KIT: variants seen among roughly 807,000 people sequenced by gnomAD.
KIT encodes the protein KIT proto-oncogene, receptor tyrosine kinase.
KIT carries 16 observed loss-of-function variants against 105.7 expected under a neutral mutation model. That is an observed-to-expected ratio of 0.15 (90% CI 0.10 to 0.23). The LOEUF is 0.23. KIT is among the 10% of genes least tolerant of loss of function. The pLI, the probability that KIT is intolerant of heterozygous loss-of-function variation, is 1.00. For missense variants in KIT, 858 were observed against 1,213.8 expected, an observed-to-expected ratio of 0.71 and a Z score of 4.36; for synonymous variants, 438 against 441.1, an observed-to-expected ratio of 0.99 and a Z score of 0.09.
intron 7 of KIT, among the ~76,000 whole-genome samples, chr4:54,719,331 A>G (rs753298998): frequency 2.0e-5 from 3 of 152,150 alleles, no homozygotes; most frequent in East Asian, 1.9e-4. Context: ...TATCTGTACT[A>G]TGTTCTTAAA....
At chr4:54,704,972 A>G (rs1720694110) in intron 5 of KIT, among the ~76,000 whole-genome samples, 1 of 152,224 alleles carries the variant, frequency 6.6e-6, no homozygotes, top group African/African-American at 2.4e-5. Flanking sequence ...CAGACTGAAC[A>G]TGGAAAAGAT....
chr4:54,711,818 G>T (rs1248936930), intron 7 of KIT, among the ~76,000 whole-genome samples: 1 of 151,756 alleles, frequency 6.6e-6, no homozygotes, highest in East Asian at 1.9e-4. Flanking sequence ...AGCTAGTTGG[G>T]AGGCTGAGGC....
intron 8 of KIT, among the ~76,000 whole-genome samples, chr4:54,724,018 A>G (rs1034897124): frequency 6.6e-6 from 1 of 152,216 alleles, no homozygotes; most frequent in Admixed American, 6.5e-5. Context: ...TATACACAGG[A>G]GGTAATGTGT....
intron 1 of KIT, among the ~76,000 whole-genome samples, chr4:54,670,636 C>T (rs567786255): frequency 3.9e-5 from 6 of 152,310 alleles, no homozygotes; most frequent in African/African-American, 1.4e-4. Flanking sequence ...GTTCCTGCTC[C>T]CTTTTCTCCC....
chr4:54,676,976 C>T (rs1483624642), intron 1 of KIT, among the ~76,000 whole-genome samples: 1 of 152,148 alleles, frequency 6.6e-6, no homozygotes, highest in Non-Finnish European at 1.5e-5. Context: ...CCTCATTGTA[C>T]AGCGTGCTTG....
chr4:54,665,375 G>A (rs994817613), intron 1 of KIT, among the ~76,000 whole-genome samples: 4 of 152,176 alleles, frequency 2.6e-5, no homozygotes, highest in Admixed American at 6.5e-5. Context: ...GACTATTTAG[G>A]AGGGTTAAAC....
rs1722618479 is a variant in KIT at position 54,731,874 on chromosome 4, C to T, written c.2237C>T (p.Ser746Leu). 2 of 1,613,344 alleles carry T rather than the reference C, an allele frequency of 1.2e-6. No individual in the cohort carries two copies. Among genetic ancestry groups the T allele is most frequent in the Non-Finnish European group, 1.7e-6 (2 of 1,179,502 alleles). The change falls in exon 16 of 21, where the codon TCA becomes TTA. Residue 746 changes from serine to leucine, a missense_variant. Around this residue, in one of 7 missense-constraint regions of KIT, gnomAD observed 158 missense variants for 218.7 expected, o/e 0.72. Transcript: ENST00000288135. Reference protein sequence around the residue: ...ADKRRSVRIGSYIERDVTPAI... With the variant: ...ADKRRSVRIGLYIERDVTPAI... ...AAAAATCCTCTCTTCCTCACAGGCT[C>T]ATACATAGAAAGAGATGTGACTCCC...
At chr4:54,729,861 C>T (rs1233407779) in intron 14 of KIT, among the ~76,000 whole-genome samples, 1 of 152,102 alleles carries the variant, frequency 6.6e-6, no homozygotes, top group African/African-American at 2.4e-5. Context: ...AATGCTAAAG[C>T]CTCTCAAGTT....
intron 1 of KIT, among the ~76,000 whole-genome samples, chr4:54,686,219 TAAAAAAAA>T (rs201077047): frequency 6.8e-6 from 1 of 147,488 alleles, no homozygotes; most frequent in African/African-American, 2.5e-5. Context: ...AGGAGCTACT[TAAAAAAAA>T]AAACTAAATA....
At chr4:54,730,242 T>C (rs1182565703) in intron 14 of KIT, among the ~76,000 whole-genome samples, 1 of 152,142 alleles carries the variant, frequency 6.6e-6, no homozygotes, top group Non-Finnish European at 1.5e-5. Flanking sequence ...GAAGTCATGG[T>C]TATTTTGCCC....
chr4:54,703,876 A>C lies in KIT; in HGVS notation c.909A>C (p.Thr303=), dbSNP rs531740394. ...NNTFGSANVT[T]TLEVVDKGFI... ...CTTTTGGATCAGCAAATGTCACAACAACCTTGGAAGTAGTAGGTAAATACC... is the reference window on the plus strand; with the variant it reads ...CTTTTGGATCAGCAAATGTCACAACCACCTTGGAAGTAGTAGGTAAATACC... The change falls in exon 5 of 21, where the codon ACA becomes ACC. Residue 303 remains threonine (T), a synonymous_variant. Coordinates refer to ENST00000288135, the MANE Select transcript of KIT (RefSeq NM_000222.3). The C allele has an allele frequency of 1.5e-5, 24 of 1,613,534 alleles. No individual in the cohort carries two copies. Among genetic ancestry groups the C allele is most frequent in the Non-Finnish European group, 1.9e-5 (22 of 1,179,542 alleles).
chr4:54,736,973 T>G (rs1722958002), intron 19 of KIT, among the ~76,000 whole-genome samples, 153 bp downstream of exon 19: 1 of 152,250 alleles, frequency 6.6e-6, no homozygotes, highest in African/African-American at 2.4e-5. Flanking sequence ...TTTCTGTAGT[T>G]TATTTTCATA....
intron 1 of KIT, among the ~76,000 whole-genome samples, chr4:54,666,807 C>T (rs753484543): frequency 3.1e-4 from 47 of 152,200 alleles, no homozygotes; most frequent in Non-Finnish European, 5.7e-4. Context: ...TTCCTCACTG[C>T]CTTGGCTGTG....
intron 1 of KIT, among the ~76,000 whole-genome samples, chr4:54,670,962 G>T (rs1718069546): frequency 6.6e-6 from 1 of 152,132 alleles, no homozygotes; most frequent in Non-Finnish European, 1.5e-5. Flanking sequence ...AAATATGACA[G>T]ACTTCAGTTT....
chr4:54,682,815 A>G (rs1423634153), intron 1 of KIT, among the ~76,000 whole-genome samples: 1 of 150,174 alleles, frequency 6.7e-6, no homozygotes, highest in Non-Finnish European at 1.5e-5. Flanking sequence ...GCAGTGACGC[A>G]ATCTCGGCTC....
chr4:54,684,284 C>T (rs1222550355), intron 1 of KIT, among the ~76,000 whole-genome samples: 1 of 152,116 alleles, frequency 6.6e-6, no homozygotes, highest in Non-Finnish European at 1.5e-5. Context: ...CTGGGAAACA[C>T]TTCGTCTCAC....
chr4:54,714,654 T>A (rs1721353526), intron 7 of KIT, among the ~76,000 whole-genome samples: 1 of 152,208 alleles, frequency 6.6e-6, no homozygotes, highest in Non-Finnish European at 1.5e-5. Flanking sequence ...TTTAAGAAGA[T>A]CCTGTAACCT....
rs1722288511 is a variant in KIT, at chr4:54,727,303, T to G, written c.1626T>G (p.Ile542Met). ...GCATGATGTGCATTATTGTGATGAT[T>G]CTGACCTACAAATATTTACAGGTAA... ...VAGMMCIIVM[I>M]LTYKYLQKPM... Residue 542 changes from isoleucine (I) to methionine (M), a missense_variant, in exon 10 of 21, where the codon ATT (isoleucine) becomes ATG (methionine). Ile to Met is a conservative substitution (Grantham distance 10). Around this residue, in one of 7 missense-constraint regions of KIT, gnomAD observed 78 missense variants for 77.6 expected, o/e 1.01. Transcript: ENST00000288135. 6.2e-7 allele frequency: 1 copy of G among 1,614,142 alleles called. No individual in the cohort carries two copies. Among genetic ancestry groups the G allele is most frequent in the Non-Finnish European group, 8.5e-7 (1 of 1,179,944 alleles).
chr4:54,682,782 C>T (rs1490964014), intron 1 of KIT, among the ~76,000 whole-genome samples: 5 of 146,388 alleles, frequency 3.4e-5, no homozygotes, highest in East Asian at 4.1e-4. Context: ...GACAGAGTCT[C>T]GCCCCGTCAC....
Sources: allele counts gnomAD v4.1 joint callset (sites outside exome capture counted in the v4.1 genomes callset), GRCh38; gene constraint gnomAD v4.1.1; regional missense constraint gnomAD v4.1.1; transcripts MANE v1.5; gene names NCBI Gene and HGNC (gene_info 2026-07-23, HGNC 2026-07-21).